The following TMEM132D variants were observed in gnomAD, a reference collection of about 807,000 sequenced individuals.
The protein encoded by TMEM132D is mature OL transmembrane protein.
In TMEM132D, 21 loss-of-function variants were observed where a neutral mutation model predicts 62.3. The observed-to-expected ratio is 0.34, with a 90% CI of 0.24 to 0.49. TMEM132D has a LOEUF of 0.49. TMEM132D is among the 20% of genes least tolerant of loss of function. The pLI is 0.99. For missense variants in TMEM132D, 1,346 were observed against 1,402.8 expected (o/e 0.96, Z 0.65); for synonymous variants, 621 against 575.6 (o/e 1.08, Z -1.13).
At chr12:129,333,811 TC>T (rs1869190243) in intron 4 of TMEM132D, among the ~76,000 whole-genome samples, 1 of 152,116 alleles carries the variant, frequency 6.6e-6, no homozygotes, top group Non-Finnish European at 1.5e-5. Context: ...CTCTCCCCTT[TC>T]CCACTTATAA....
intron 2 of TMEM132D, among the ~76,000 whole-genome samples, chr12:129,644,253 A>T (rs1229371124): frequency 6.6e-6 from 1 of 152,158 alleles, no homozygotes; most frequent in Non-Finnish European, 1.5e-5. Flanking sequence ...ACGGGCATGC[A>T]CCCTCAACCT....
chr12:129,743,102 C>G (rs1000076273), intron 1 of TMEM132D, among the ~76,000 whole-genome samples: 1 of 152,236 alleles, frequency 6.6e-6, no homozygotes, highest in Non-Finnish European at 1.5e-5. Flanking sequence ...ATCCCAACCT[C>G]CTCTGCCCTC....
intron 1 of TMEM132D, among the ~76,000 whole-genome samples, chr12:129,864,085 G>C (rs1873982793): frequency 6.6e-6 from 1 of 152,128 alleles, no homozygotes; most frequent in African/African-American, 2.4e-5. Flanking sequence ...CCAAAGGTGG[G>C]GCATAAAAAG....
At chr12:129,418,899 T>G (rs1593372057) in intron 3 of TMEM132D, among the ~76,000 whole-genome samples, 1 of 151,900 alleles carries the variant, frequency 6.6e-6, no homozygotes, top group South Asian at 2.1e-4. Context: ...CAGAGGGCAA[T>G]GTGATAGCAG....
In TMEM132D at chr12:129,815,480, G is replaced by C. The variant is rs373730946; in HGVS notation, c.79+87781C>G. On this transcript the variant is annotated intron_variant, in intron 1 of 8. Coordinates refer to ENST00000422113, the MANE Select transcript of TMEM132D (RefSeq NM_133448.3). ...CCGAACCCAAGCCTACAGCTATTCT[G>C]GGGGGGTGACTGTCTCACCGTTCCA... 3.0e-3 allele frequency among the ~76,000 whole-genome samples: 457 copies of C among 152,036 alleles called. 4 individuals are homozygous for C. The highest frequency in any genetic ancestry group is 0.01 in the African/African-American group (431 of 41,500).
intron 2 of TMEM132D, among the ~76,000 whole-genome samples, chr12:129,658,725 C>T (rs569112120): frequency 6.6e-6 from 1 of 152,142 alleles, no homozygotes; most frequent in Admixed American, 6.5e-5. Flanking sequence ...TTACTTGGTG[C>T]CTGCATTTAC....
chr12:129,434,471 A>C (rs1044419663), intron 3 of TMEM132D, among the ~76,000 whole-genome samples: 1 of 152,160 alleles, frequency 6.6e-6, no homozygotes, highest in African/African-American at 2.4e-5. Flanking sequence ...TGACTACTAC[A>C]AGTTGTTCTA....
chr12:129,761,593 C>G (rs1002627005), intron 1 of TMEM132D, among the ~76,000 whole-genome samples: 1 of 152,200 alleles, frequency 6.6e-6, no homozygotes, highest in African/African-American at 2.4e-5. Context: ...TTCCCTGTTC[C>G]CTGTCACTCT....
chr12:129,417,575 T>C (rs1351817440), intron 3 of TMEM132D, among the ~76,000 whole-genome samples: 3 of 152,090 alleles, frequency 2.0e-5, no homozygotes, highest in Non-Finnish European at 4.4e-5. Context: ...GACTTAAACA[T>C]AAGACCTAAA....
chr12:129,714,645 TCA>T (rs991963200), intron 1 of TMEM132D, among the ~76,000 whole-genome samples: 4 of 152,230 alleles, frequency 2.6e-5, no homozygotes, highest in African/African-American at 9.6e-5. Flanking sequence ...TGGTAATATT[TCA>T]CAGTGTATAT....
chr12:129,296,500 T>A (rs1240005358), intron 4 of TMEM132D, among the ~76,000 whole-genome samples: 2 of 152,240 alleles, frequency 1.3e-5, no homozygotes, highest in African/African-American at 2.4e-5. Flanking sequence ...TTTATGCTCT[T>A]CCTGATCAGC....
intron 1 of TMEM132D, among the ~76,000 whole-genome samples, chr12:129,700,948 C>A (rs1208818624): frequency 6.6e-6 from 1 of 152,156 alleles, no homozygotes; most frequent in African/African-American, 2.4e-5. Flanking sequence ...CAAATAAATA[C>A]AATTCAAATA....
rs71449397 is a variant in TMEM132D at position 129,165,680 on chromosome 12, CT to C, written c.1443+43839del. Among the ~76,000 whole-genome samples, 202 of 102,806 alleles carry C rather than the reference CT, an allele frequency of 2.0e-3. 3 individuals are homozygous for C. In the East Asian group the frequency reaches 0.023, roughly 12 times the overall value. 67.4% of individuals were successfully genotyped at this position (102,806 alleles called of 152,430 possible). The stretch of plus-strand genomic sequence containing the variant: ...GGCAGAGCAGTGTCAAACATTTCTT[CT>C]TTTTTTTTTTCCCCTACAAAAGAGA... On this transcript the variant is annotated intron_variant, in intron 5 of 8. Transcript: ENST00000422113.
chr12:129,730,612 G>T (rs1031681515), intron 1 of TMEM132D, among the ~76,000 whole-genome samples: 1 of 151,912 alleles, frequency 6.6e-6, no homozygotes, highest in Non-Finnish European at 1.5e-5. Flanking sequence ...GCAAAGTATC[G>T]TTCCTGGGTG....
chr12:129,224,238 T>C (rs61529190), intron 4 of TMEM132D, among the ~76,000 whole-genome samples: 3,031 of 152,284 alleles, frequency 0.02, 98 homozygotes, highest in African/African-American at 0.068. Context: ...TTGTTCATAA[T>C]CTTAGGTTTT....
intron 3 of TMEM132D, among the ~76,000 whole-genome samples, chr12:129,399,891 GT>G (rs1439982187): frequency 3.3e-5 from 5 of 149,946 alleles, no homozygotes; most frequent in African/African-American, 1.3e-4. Flanking sequence ...GTGTGTGTGT[GT>G]GTGGGGGGGT....
At position 129,321,194 on chromosome 12, in the gene TMEM132D, G is replaced by A. The variant is rs1593336357; in HGVS notation, c.1299+16440C>T. ...ATGAAAGCTAGACAATTTCCCAGTGGAGATGTTATAGAGAGAATTCCATTA... is the reference window on the plus strand; with the variant it reads ...ATGAAAGCTAGACAATTTCCCAGTGAAGATGTTATAGAGAGAATTCCATTA... On this transcript the variant is annotated intron_variant, in intron 4 of 8. Coordinates refer to ENST00000422113, the MANE Select transcript of TMEM132D (RefSeq NM_133448.3). Among the ~76,000 whole-genome samples the A allele has an allele frequency of 2.6e-5, 4 of 152,256 alleles. No individual in the cohort carries two copies. In the South Asian group the frequency reaches 6.2e-4, roughly 24 times the overall value.
At chr12:129,177,170 G>C (rs1877930250) in intron 5 of TMEM132D, among the ~76,000 whole-genome samples, 2 of 152,302 alleles carry the variant, frequency 1.3e-5, no homozygotes, top group Middle Eastern at 6.8e-3. Flanking sequence ...ACAAGTAAGA[G>C]TATCTCATTC....
At chr12:129,740,771 C>T (rs71446273) in intron 1 of TMEM132D, among the ~76,000 whole-genome samples, 5,735 of 152,064 alleles carry the variant, frequency 0.038, 144 homozygotes, top group Middle Eastern at 0.071. Context: ...CAATCCAGTT[C>T]CTTAAAAATT....
Sources: gnomAD v4.1 joint callset for allele counts (sites outside exome capture counted in the v4.1 genomes callset) on GRCh38, gnomAD v4.1.1 for gene constraint, MANE v1.5 for transcripts, NCBI Gene and HGNC (gene_info 2026-07-23, HGNC 2026-07-21) for gene names.